USP8: variants seen among roughly 807,000 people sequenced by gnomAD.
The protein encoded by USP8 is ubiquitin carboxyl-terminal hydrolase 8.
Under a neutral mutation model 130.0 loss-of-function variants are expected in USP8, and 27 were observed. The ratio of observed to expected loss-of-function variants is 0.21; its 90% confidence interval spans 0.15 to 0.29. The LOEUF (loss-of-function observed/expected upper bound fraction) is 0.29. Ranked by LOEUF, USP8 falls within the 10% of genes least tolerant of loss-of-function variation. The pLI is 1.00. For missense variants in USP8, 1,029 were observed against 1,312.2 expected, an observed-to-expected ratio of 0.78 and a Z score of 3.33; for synonymous variants, 392 against 444.1, an observed-to-expected ratio of 0.88 and a Z score of 1.48.
chr15:50,481,153 T>C (rs772915961), intron 10 of USP8, among the ~76,000 whole-genome samples: 1 of 152,198 alleles, frequency 6.6e-6, no homozygotes, highest in Non-Finnish European at 1.5e-5. Context: ...GGCATTTGGA[T>C]ACCTGGAAGT....
chr15:50,477,927 C>T (rs376198056), intron 10 of USP8, among the ~76,000 whole-genome samples: 6 of 151,740 alleles, frequency 4.0e-5, no homozygotes, highest in Middle Eastern at 3.5e-3. Context: ...TCGATGAGAA[C>T]AGTCTGTATG....
chr15:50,499,109 A>T lies in USP8; in HGVS notation c.*21A>T. 1 of 1,560,110 alleles carries T rather than the reference A, an allele frequency of 6.4e-7. No homozygotes were observed. The highest frequency in any genetic ancestry group is 1.2e-5 in the South Asian group (1 of 83,758). On this transcript the variant is annotated 3_prime_UTR_variant, in exon 20 of 20. Transcript: ENST00000307179. Reference sequence around the variant, plus strand: ...CATAAGGAGACATAGGTTATAAACTAGTTATCTTTTAAAAGGCTCAGCAAC... The same window carrying T: ...CATAAGGAGACATAGGTTATAAACTTGTTATCTTTTAAAAGGCTCAGCAAC...
intron 1 of USP8, among the ~76,000 whole-genome samples, chr15:50,429,234 AAAATG>A (rs1230330456): frequency 6.6e-6 from 1 of 152,174 alleles, no homozygotes; most frequent in Non-Finnish European, 1.5e-5. Flanking sequence ...TTAATAGAGT[AAAATG>A]AAATAATTAC....
rs2052594693 is a variant in USP8 at position 50,501,862 on chromosome 15, TA to T, written c.*2776del. 6.6e-6 allele frequency: 1 copy of T among 152,190 alleles called. No homozygotes were observed. The allele number at this position is 152,190 out of a possible 1,614,324, so 9.4% of individuals were successfully genotyped here. On this transcript the variant is annotated 3_prime_UTR_variant, in exon 20 of 20. Coordinates refer to ENST00000307179, the MANE Select transcript of USP8 (RefSeq NM_005154.5). ...ATGGTTGGGGAAAAGATCCAAGTAA[TA>T]ATAGTATTGTTATATGTGAAAATTT...
At chr15:50,429,308 T>G (rs939835197) in intron 1 of USP8, among the ~76,000 whole-genome samples, 1 of 151,404 alleles carries the variant, frequency 6.6e-6, no homozygotes, top group African/African-American at 2.4e-5. Flanking sequence ...GGAGGTGTTT[T>G]TTTTTTTTTT....
intron 1 of USP8, among the ~76,000 whole-genome samples, chr15:50,430,470 C>T (rs1454363188): frequency 6.6e-6 from 1 of 152,136 alleles, no homozygotes; most frequent in African/African-American, 2.4e-5. Context: ...ATGGTGTAAT[C>T]ATGGTTCATT....
chr15:50,479,627 C>T (rs1228174576), intron 10 of USP8, among the ~76,000 whole-genome samples: 1 of 152,114 alleles, frequency 6.6e-6, no homozygotes, highest in Non-Finnish European at 1.5e-5. Flanking sequence ...TTGTTAACCT[C>T]ATCCCCATAG....
At chr15:50,441,624 A>C in intron 3 of USP8, 131 bp downstream of exon 3, 1 of 713,256 alleles carries the variant, frequency 1.4e-6, no homozygotes, top group Non-Finnish European at 2.1e-6. Context: ...ATGTAGATAG[A>C]AAAAGGGAAC....
At chr15:50,441,784 G>T (rs1382294111) in intron 3 of USP8, among the ~76,000 whole-genome samples, 1 of 151,910 alleles carries the variant, frequency 6.6e-6, no homozygotes, top group African/African-American at 2.4e-5. Context: ...TCAAGTAGAA[G>T]GATTGAGTTT....
intron 4 of USP8, among the ~76,000 whole-genome samples, chr15:50,456,624 C>T: frequency 7.1e-6 from 1 of 140,400 alleles, no homozygotes; most frequent in South Asian, 2.3e-4. Context: ...GGTGGCTCGC[C>T]CCTGTAATCC....
intron 7 of USP8, among the ~76,000 whole-genome samples, chr15:50,465,744 C>T (rs1024729293): frequency 2.0e-5 from 3 of 152,190 alleles, no homozygotes; most frequent in Non-Finnish European, 2.9e-5. Flanking sequence ...CTGTGATACA[C>T]GCTACACAAA....
intron 1 of USP8, among the ~76,000 whole-genome samples, chr15:50,427,482 A>C (rs942327409): frequency 2.0e-5 from 3 of 152,090 alleles, no homozygotes; most frequent in Non-Finnish European, 4.4e-5. Context: ...CAGTTCCATA[A>C]TATTAAATTT....
Position 50,481,584 on chromosome 15 carries a change from T to C in USP8, c.1322T>C (p.Ile441Thr). 1.2e-6 allele frequency: 2 copies of C among 1,614,136 alleles called. No homozygotes were observed. Among genetic ancestry groups the C allele is most frequent in the Non-Finnish European group, 8.5e-7 (1 of 1,180,012 alleles). Residue 441 changes from isoleucine to threonine, a missense_variant, in exon 11 of 20, where the codon ATT becomes ACT. Physicochemically the swap from Ile to Thr is moderately conservative, Grantham distance 89. This residue lies in a region of USP8 where 486 missense variants were observed against 522.0 expected (regional missense o/e 0.93). Transcript: ENST00000307179. ...EQQSPQSGKV[I>T]PDRSTKPVVF... Reference sequence around the variant, plus strand: ...CAATCTCCTCAGAGTGGAAAAGTTATTCCTGATCGTTCCACCAAGCCAGTA... The same window carrying C: ...CAATCTCCTCAGAGTGGAAAAGTTACTCCTGATCGTTCCACCAAGCCAGTA...
At chr15:50,431,779 C>T (rs1289474487) in intron 1 of USP8, among the ~76,000 whole-genome samples, 2 of 152,172 alleles carry the variant, frequency 1.3e-5, no homozygotes, top group East Asian at 1.9e-4. Flanking sequence ...GCCTCAGCCT[C>T]CTGAGTAGGT....
intron 12 of USP8, 178 bp from the exon 13 acceptor site, chr15:50,489,623 G>T: frequency 3.0e-6 from 1 of 338,784 alleles, no homozygotes; most frequent in Non-Finnish European, 5.4e-6. Context: ...TTTGTACTTT[G>T]AGAAAAAGAT....
rs555276137 is a variant in USP8 at position 50,438,971 on chromosome 15, A to G, written c.-65-38A>G. 83 of 845,868 alleles carry G rather than the reference A, an allele frequency of 9.8e-5. 1 individual carries two copies. The South Asian group carries it at 1.3e-3, about 14-fold the overall frequency. 52.4% of individuals were successfully genotyped at this position (845,868 alleles called of 1,614,324 possible). A position where few individuals can be genotyped will look rare whatever the true frequency, so the allele number is the denominator to read the frequency against. ...AAACTGCTCACTTGTTTTATTGTGA[A>G]TGAGGAAAATTAGTATAATTATTTG... On this transcript the variant is annotated intron_variant, in intron 1 of 19. Transcript: ENST00000307179.
chr15:50,435,844 A>T (rs1202790641), intron 1 of USP8, among the ~76,000 whole-genome samples: 2 of 152,158 alleles, frequency 1.3e-5, no homozygotes, highest in Non-Finnish European at 2.9e-5. Flanking sequence ...TTCTCCTAGA[A>T]ACCCTTCCTA....
At chr15:50,486,356 G>A (rs1300971310) in intron 12 of USP8, among the ~76,000 whole-genome samples, 2 of 151,984 alleles carry the variant, frequency 1.3e-5, no homozygotes, top group African/African-American at 4.8e-5. Flanking sequence ...GTTTGGTGGC[G>A]CCTGCCTGTA....
rs1323705540 is a variant in USP8 at position 50,503,746 on chromosome 15, A to C, written c.*4658A>C. The C allele has an allele frequency of 1.8e-4, 27 of 152,210 alleles. No individual in the cohort carries two copies. The highest frequency in any genetic ancestry group is 1.7e-3 in the Admixed American group (26 of 15,280). The allele number at this position is 152,210 out of a possible 1,614,324, so 9.4% of individuals were successfully genotyped here. A position where few individuals can be genotyped will look rare whatever the true frequency, so the allele number is the denominator to read the frequency against. Reference sequence around the variant, plus strand: ...TATTTCTAGGGCAGTTGCCAGAAGGAAACAGAATTTCTAGATTGTTGCATG... The same window carrying C: ...TATTTCTAGGGCAGTTGCCAGAAGGCAACAGAATTTCTAGATTGTTGCATG... On this transcript the variant is annotated 3_prime_UTR_variant, in exon 20 of 20. Coordinates refer to ENST00000307179, the MANE Select transcript of USP8 (RefSeq NM_005154.5).
Sources: allele counts gnomAD v4.1 joint callset (sites outside exome capture counted in the v4.1 genomes callset), GRCh38; gene constraint gnomAD v4.1.1; regional missense constraint gnomAD v4.1.1; transcripts MANE v1.5; gene names NCBI Gene and HGNC (gene_info 2026-07-23, HGNC 2026-07-21).